The following SFI1 variants were observed in gnomAD, a reference collection of about 807,000 sequenced individuals.
SFI1 encodes the protein protein SFI1 homolog.
In SFI1, 195 loss-of-function variants were observed where a neutral mutation model predicts 207.5. The ratio of observed to expected loss-of-function variants is 0.94; its 90% confidence interval spans 0.84 to 1.06. The LOEUF is 1.06. Ranked by LOEUF, SFI1 falls within the 50% of genes least tolerant of loss-of-function variation. The pLI, the probability that SFI1 is intolerant of heterozygous loss-of-function variation, is 0.00. For missense variants in SFI1, 1,634 were observed against 1,588.0 expected, an observed-to-expected ratio of 1.03 and a Z score of -0.49; for synonymous variants, 630 against 598.9, an observed-to-expected ratio of 1.05 and a Z score of -0.76.
chr22:31,580,154 A>C, intron 11 of SFI1, 118 bp from the exon 12 acceptor site: 1 of 695,520 alleles, frequency 1.4e-6, no homozygotes. Flanking sequence ...CAGCTACAAG[A>C]AGCTGTGACC....
At chr22:31,540,191 G>T (rs149849166) in intron 4 of SFI1, among the ~76,000 whole-genome samples, 5 of 146,264 alleles carry the variant, frequency 3.4e-5, no homozygotes, top group African/African-American at 7.6e-5. Context: ...GGCACGGGGT[G>T]GGGGGGTGGG....
intron 7 of SFI1, chr22:31,559,488 T>A: frequency 2.0e-6 from 1 of 498,400 alleles, no homozygotes. Flanking sequence ...CTGCTATGTC[T>A]CTAGTGATCC....
rs78730263 is a variant in SFI1, at chr22:31,546,933, C to T, written c.411C>T (p.His137=). The T allele has an allele frequency of 7.9e-4, 1,269 of 1,611,776 alleles. 4 individuals carry two copies. In the African/African-American group the frequency reaches 0.013, roughly 17 times the overall value. Reference sequence around the variant, plus strand: ...AAGAGGAGTGGTGGGTTTTCCAGCACGAGTGGAAACTCTGTGTTCGAGCTG... The same window carrying T: ...AAGAGGAGTGGTGGGTTTTCCAGCATGAGTGGAAACTCTGTGTTCGAGCTG... ...EWKEEWWVFQ[H]EWKLCVRADC... is the part of the protein sequence containing the mutation. Residue 137 remains histidine (H), a synonymous_variant, in exon 5 of 33, where the codon CAC becomes CAT. Transcript: ENST00000400288.
intron 14 of SFI1, among the ~76,000 whole-genome samples, chr22:31,589,097 A>G (rs978222416): frequency 1.2e-4 from 18 of 152,188 alleles, no homozygotes; most frequent in Admixed American, 6.5e-5. Flanking sequence ...TTTAGGTTCA[A>G]AAACCCCATA....
At chr22:31,560,618 G>C (rs759086957) in intron 7 of SFI1, among the ~76,000 whole-genome samples, 5 of 151,170 alleles carry the variant, frequency 3.3e-5, no homozygotes, top group Admixed American at 1.3e-4. Flanking sequence ...GGCCAAGCTG[G>C]TTTTGAACTC....
Position 31,528,629 on chromosome 22 carries a change from T to C in SFI1, c.93-61T>C, listed in dbSNP as rs564320834. The C allele has an allele frequency of 4.8e-6, 7 of 1,465,954 alleles. No individual in the cohort carries two copies. In the Admixed American group the frequency reaches 5.5e-5, roughly 12 times the overall value. The allele number at this position is 1,465,954 out of a possible 1,614,324, so 90.8% of individuals were successfully genotyped here. ...TAATTTTGCTTGTATATTAAAAGTA[T>C]TTGCATCACATGCAGAGATAACTTT... is the stretch of plus-strand genomic sequence containing the variant. On this transcript the variant is annotated intron_variant, in intron 2 of 32. Coordinates refer to ENST00000400288, the MANE Select transcript of SFI1 (RefSeq NM_001007467.3).
chr22:31,584,019 T>C, intron 13 of SFI1, 47 bp downstream of exon 13: 2 of 1,489,448 alleles, frequency 1.3e-6, no homozygotes, highest in Non-Finnish European at 1.9e-6. Context: ...TTTGTGCCTC[T>C]GACTTACTGT....
At chr22:31,610,801 G>A (rs2069958393) in intron 22 of SFI1, among the ~76,000 whole-genome samples, 1 of 152,238 alleles carries the variant, frequency 6.6e-6, no homozygotes, top group African/African-American at 2.4e-5. Context: ...CTCAGACTGA[G>A]GGTCTTCTTC....
intron 2 of SFI1, among the ~76,000 whole-genome samples, chr22:31,522,457 T>C (rs2057393556): frequency 6.6e-6 from 1 of 152,190 alleles, no homozygotes; most frequent in Non-Finnish European, 1.5e-5. Flanking sequence ...CATCATCCCA[T>C]GTGGAAATTC....
At position 31,589,561 on chromosome 22, in the gene SFI1, G is replaced by C. The variant is rs759669973; in HGVS notation, c.1528G>C (p.Ala510Pro). The change falls in exon 15 of 33, where the codon GCA (alanine) becomes CCA (proline). Residue 510 changes from alanine (A) to proline (P), a missense_variant. By Grantham distance (27) the Ala-to-Pro change is conservative. Transcript: ENST00000400288. ...CCAGGAAAATGTCCTCAGTGCAAGAGCAACACGTTTCCACAGGTATGTTGC... is the reference window on the plus strand; with the variant it reads ...CCAGGAAAATGTCCTCAGTGCAAGACCAACACGTTTCCACAGGTATGTTGC... The part of the protein sequence containing the change: ...RHQENVLSAR[A>P]TRFHRETLEK... 8 of 1,613,100 alleles carry C rather than the reference G, an allele frequency of 5.0e-6. No homozygotes were observed. Among genetic ancestry groups the C allele is most frequent in the Middle Eastern group, 3.3e-4 (2 of 6,050 alleles).
chr22:31,587,482 G>GT (rs11431150), intron 14 of SFI1: 130,300 of 163,068 alleles, frequency 0.8, 51,344 homozygotes, highest in East Asian at 0.9. Context: ...TTTGTGTTTT[G>GT]TTTTTTTTTT....
At chr22:31,505,497 T>A (rs1161103717) in intron 1 of SFI1, among the ~76,000 whole-genome samples, 1 of 151,896 alleles carries the variant, frequency 6.6e-6, no homozygotes, top group Non-Finnish European at 1.5e-5. Flanking sequence ...GGTGCCTGTC[T>A]GTAGTCCCAG....
chr22:31,567,399 T>TA (rs2062432331), intron 8 of SFI1, among the ~76,000 whole-genome samples: 2 of 152,300 alleles, frequency 1.3e-5, no homozygotes, highest in African/African-American at 4.8e-5. Context: ...CTGTGCCTGA[T>TA]AAAAAAGGCT....
chr22:31,506,178 G>C (rs2054609181), intron 1 of SFI1, among the ~76,000 whole-genome samples: 1 of 151,454 alleles, frequency 6.6e-6, no homozygotes, highest in Non-Finnish European at 1.5e-5. Context: ...CTCCTGAGTA[G>C]CTGGGATTGC....
chr22:31,558,460 C>G (rs1569305582), intron 7 of SFI1, among the ~76,000 whole-genome samples: 1 of 151,560 alleles, frequency 6.6e-6, no homozygotes, highest in African/African-American at 2.4e-5. Flanking sequence ...TTACTTGAGT[C>G]TGAGTGAATT....
intron 13 of SFI1, among the ~76,000 whole-genome samples, chr22:31,584,327 A>G (rs969297774): frequency 3.3e-5 from 5 of 152,218 alleles, no homozygotes; most frequent in Non-Finnish European, 7.3e-5. Flanking sequence ...TAAAGTGTGC[A>G]GGGAATGTCC....
intron 2 of SFI1, among the ~76,000 whole-genome samples, chr22:31,524,201 C>A (rs1332014789): frequency 1.3e-5 from 2 of 151,136 alleles, no homozygotes; most frequent in Non-Finnish European, 3.0e-5. Flanking sequence ...GATTCCATCT[C>A]AAAAAAAATA....
intron 6 of SFI1, 72 bp downstream of exon 6, chr22:31,550,420 C>T: frequency 8.7e-7 from 1 of 1,155,860 alleles, no homozygotes; most frequent in Non-Finnish European, 1.3e-6. Flanking sequence ...GAAGGACAAA[C>T]ACATTGTCTC....
rs975743860 is a variant in SFI1, at chr22:31,512,556, G to A, written c.92+4180G>A. Reference sequence around the variant, plus strand: ...TTTTGAGACGGAGTCTCGCCCTGTCGCCCAGGCTGGAGTTGCAATGGCACA... The same window carrying A: ...TTTTGAGACGGAGTCTCGCCCTGTCACCCAGGCTGGAGTTGCAATGGCACA... On this transcript the variant is annotated intron_variant, in intron 2 of 32. Transcript: ENST00000400288. 5.9e-5 allele frequency among the ~76,000 whole-genome samples: 9 copies of A among 151,294 alleles called. No individual in the cohort carries two copies. In the East Asian group the frequency reaches 9.8e-4, roughly 16 times the overall value.
Sources: allele counts gnomAD v4.1 joint callset (sites outside exome capture counted in the v4.1 genomes callset), GRCh38; gene constraint gnomAD v4.1.1; transcripts MANE v1.5; gene names NCBI Gene and HGNC (gene_info 2026-07-23, HGNC 2026-07-21).